The following SLC66A3 variants were observed in gnomAD, a reference collection of about 807,000 sequenced individuals.
The protein encoded by SLC66A3 is PQ loop repeat containing 3.
SLC66A3 carries 23 observed loss-of-function variants against 25.5 expected under a neutral mutation model. That is an observed-to-expected ratio of 0.90 (90% CI 0.65 to 1.28). SLC66A3 has a LOEUF of 1.28. SLC66A3 is among the 50% of genes most tolerant of loss of function. The probability of loss-of-function intolerance (pLI) is 0.00; values close to 1 mark genes in which losing one functional copy is unlikely to be tolerated. For missense variants in SLC66A3, 246 were observed against 262.1 expected (o/e 0.94, Z 0.42); for synonymous variants, 108 against 112.6 (o/e 0.96, Z 0.26).
At chr2:11,162,838 C>A (rs1662175733) in intron 3 of SLC66A3, among the ~76,000 whole-genome samples, 1 of 152,096 alleles carries the variant, frequency 6.6e-6, no homozygotes, top group Non-Finnish European at 1.5e-5. Context: ...GATCTCCTGA[C>A]CTCGTGATCC....
intron 1 of SLC66A3, among the ~76,000 whole-genome samples, chr2:11,155,899 G>C (rs952394971): frequency 2.0e-5 from 3 of 152,198 alleles, no homozygotes; most frequent in African/African-American, 4.8e-5. Flanking sequence ...TTCTCACCAA[G>C]CCCCGCGTGG....
chr2:11,171,203 A>G (rs1403477573), intron 4 of SLC66A3, among the ~76,000 whole-genome samples: 1 of 152,096 alleles, frequency 6.6e-6, no homozygotes, highest in Admixed American at 6.5e-5. Context: ...CTGTACTCCC[A>G]GCTACTTGAG....
intron 1 of SLC66A3, among the ~76,000 whole-genome samples, chr2:11,159,919 C>T (rs1007801606): frequency 1.3e-5 from 2 of 152,146 alleles, no homozygotes; most frequent in African/African-American, 4.8e-5. Flanking sequence ...CCCCCACTGC[C>T]CTCTCAACCG....
chr2:11,157,462 C>G (rs1661946873), intron 1 of SLC66A3, among the ~76,000 whole-genome samples: 1 of 152,246 alleles, frequency 6.6e-6, no homozygotes. Context: ...TCCTGGCCCT[C>G]CTGTCTCCCT....
chr2:11,156,004 A>T (rs903738745), intron 1 of SLC66A3, among the ~76,000 whole-genome samples: 2 of 152,214 alleles, frequency 1.3e-5, no homozygotes, highest in African/African-American at 2.4e-5. Context: ...GCTGGCCCTG[A>T]GCAAGGCCAT....
Position 11,160,650 on chromosome 2 carries a change from T to C in SLC66A3, c.252T>C (p.Phe84=). 2 of 1,614,174 alleles carry C rather than the reference T, an allele frequency of 1.2e-6. No homozygotes were observed. ...AQDVILLLCI[F]HFNGNVKQAT... ...ATGTCATCCTCCTGCTCTGTATCTT[T>C]CATTTTAACGGGAACGTGAAGCAGG... The change falls in exon 3 of 7, where the codon TTT becomes TTC. Residue 84 remains phenylalanine, a synonymous_variant. Coordinates refer to ENST00000295083, the MANE Select transcript of SLC66A3 (RefSeq NM_152391.5).
At chr2:11,176,079 A>G (rs1662728953) in intron 6 of SLC66A3, among the ~76,000 whole-genome samples, 1 of 152,216 alleles carries the variant, frequency 6.6e-6, no homozygotes, top group African/African-American at 2.4e-5. Context: ...TCAGCATGGA[A>G]AGGAAAGTCA....
intron 1 of SLC66A3, among the ~76,000 whole-genome samples, chr2:11,156,556 G>A (rs568908281): frequency 9.9e-5 from 15 of 152,108 alleles, no homozygotes; most frequent in Admixed American, 3.9e-4. Flanking sequence ...GCGGCATACA[G>A]GATGGGAAGA....
At chr2:11,169,887 G>T (rs1662487462) in intron 4 of SLC66A3, among the ~76,000 whole-genome samples, 1 of 127,482 alleles carries the variant, frequency 7.8e-6, no homozygotes. Context: ...TCACCAGGCT[G>T]GAATGCAGTA....
chr2:11,167,754 C>T (rs957676060), intron 4 of SLC66A3, among the ~76,000 whole-genome samples: 6 of 152,026 alleles, frequency 3.9e-5, no homozygotes, highest in African/African-American at 7.2e-5. Context: ...TGCAGGAGAA[C>T]GAGCAGGGCC....
intron 1 of SLC66A3, among the ~76,000 whole-genome samples, chr2:11,158,800 CAG>C (rs1279589655): frequency 6.7e-6 from 1 of 149,468 alleles, no homozygotes; most frequent in Non-Finnish European, 1.5e-5. Flanking sequence ...GCCTGGGCGA[CAG>C]AGCAAGACTC....
intron 5 of SLC66A3, 80 bp from the exon 6 acceptor site, chr2:11,174,888 T>C (rs999911026): frequency 1.1e-6 from 1 of 896,000 alleles, no homozygotes; most frequent in Non-Finnish European, 1.8e-6. Flanking sequence ...ATTGGGATAT[T>C]AAAAGGGAAA....
intron 6 of SLC66A3, among the ~76,000 whole-genome samples, chr2:11,176,273 TG>T (rs1273465323): frequency 1.3e-5 from 2 of 152,148 alleles, no homozygotes; most frequent in African/African-American, 2.4e-5. Context: ...TGGAGTGCAG[TG>T]GTGTGATCTT....
chr2:11,157,038 TGAA>T (rs1216103581), intron 1 of SLC66A3, among the ~76,000 whole-genome samples: 1 of 152,148 alleles, frequency 6.6e-6, no homozygotes, highest in Non-Finnish European at 1.5e-5. Flanking sequence ...GCTGGACCCA[TGAA>T]GGAAAAGAAG....
At chr2:11,171,887 A>G (rs778079991) in intron 4 of SLC66A3, 38 bp from the exon 5 acceptor site, 11 of 1,610,896 alleles carry the variant, frequency 6.8e-6, no homozygotes, top group Non-Finnish European at 9.3e-6. Context: ...TTTTTAACAA[A>G]TCGACTCGTG....
chr2:11,172,537 A>G (rs2148001309), intron 5 of SLC66A3, among the ~76,000 whole-genome samples: 1 of 152,330 alleles, frequency 6.6e-6, no homozygotes, highest in Admixed American at 6.5e-5. Flanking sequence ...AAATACATAT[A>G]TGGTATATGT....
intron 1 of SLC66A3, among the ~76,000 whole-genome samples, chr2:11,156,392 A>G (rs1394664899): frequency 6.6e-6 from 1 of 152,112 alleles, no homozygotes; most frequent in Non-Finnish European, 1.5e-5. Context: ...ATCATTTTTG[A>G]GCCCCAACAA....
intron 5 of SLC66A3, among the ~76,000 whole-genome samples, chr2:11,173,159 A>G (rs1226531094): frequency 6.6e-6 from 1 of 152,068 alleles, no homozygotes; most frequent in Admixed American, 6.6e-5. Context: ...CACCGCGCCC[A>G]GCCAATTTTT....
intron 1 of SLC66A3, among the ~76,000 whole-genome samples, chr2:11,159,390 C>A (rs544989013): frequency 6.6e-6 from 1 of 152,112 alleles, no homozygotes; most frequent in South Asian, 2.1e-4. Flanking sequence ...GCACAGCACC[C>A]GGAGGGCCTG....
Sources: allele counts gnomAD v4.1 joint callset (sites outside exome capture counted in the v4.1 genomes callset), GRCh38; gene constraint gnomAD v4.1.1; transcripts MANE v1.5; gene names NCBI Gene and HGNC (gene_info 2026-07-23, HGNC 2026-07-21).